Variants in EPB41L2 observed in about 807,000 individuals in gnomAD.
The protein encoded by EPB41L2 is erythrocyte membrane protein band 4.1 like 2.
Under a neutral mutation model 113.0 loss-of-function variants are expected in EPB41L2, and 43 were observed. That is an observed-to-expected ratio of 0.38 (90% CI 0.30 to 0.49). The LOEUF is 0.49. Ranked by LOEUF, EPB41L2 falls within the 20% of genes least tolerant of loss-of-function variation. The pLI is 0.95. For synonymous variants in EPB41L2, 442 were observed against 436.7 expected, an observed-to-expected ratio of 1.01 and a Z score of -0.15; for missense variants, 1,147 against 1,223.4, an observed-to-expected ratio of 0.94 and a Z score of 0.93.
chr6:130,987,987 A>AT (rs1206999663), intron 1 of EPB41L2, among the ~76,000 whole-genome samples: 1 of 151,596 alleles, frequency 6.6e-6, no homozygotes, highest in Non-Finnish European at 1.5e-5. Flanking sequence ...TTGGTGGTAC[A>AT]TGCCTGTGGT....
rs545805270 is a variant in EPB41L2, at chr6:130,927,586, A to G, written c.706-877T>C. On this transcript the variant is annotated intron_variant, in intron 3 of 19. Transcript: ENST00000337057. ...AAAGAAAAAGCCATCAGACTTTTCCATCCTCAAAACGAATGCCCTCTCACT... is the reference window on the plus strand; with the variant it reads ...AAAGAAAAAGCCATCAGACTTTTCCGTCCTCAAAACGAATGCCCTCTCACT... Among the ~76,000 whole-genome samples, 16 of 152,326 alleles carry G rather than the reference A, an allele frequency of 1.1e-4. No homozygotes were observed. In the East Asian group the frequency reaches 2.9e-3, roughly 28 times the overall value.
chr6:130,968,853 A>AGTGAAAT (rs1378611038), intron 1 of EPB41L2, among the ~76,000 whole-genome samples: 1 of 151,916 alleles, frequency 6.6e-6, no homozygotes, highest in Non-Finnish European at 1.5e-5. Context: ...TTTTTACTTC[A>AGTGAAAT]GTGAAATGTA....
intron 1 of EPB41L2, among the ~76,000 whole-genome samples, chr6:131,004,093 G>A (rs1784931794): frequency 6.6e-6 from 1 of 152,146 alleles, no homozygotes; most frequent in Admixed American, 6.5e-5. Context: ...TTTAATATCT[G>A]GCAGGCCTGT....
intron 10 of EPB41L2, among the ~76,000 whole-genome samples, chr6:130,891,356 T>C (rs1006255898): frequency 6.6e-6 from 1 of 152,170 alleles, no homozygotes; most frequent in African/African-American, 2.4e-5. Context: ...AGAATCCCTG[T>C]ACAACACTCA....
Position 130,956,134 on chromosome 6 carries a change from G to A in EPB41L2, c.352C>T (p.Leu118Phe), listed in dbSNP as rs138944177. Residue 118 changes from leucine to phenylalanine, a missense_variant, in exon 2 of 20, where the codon CTT becomes TTT. Transcript: ENST00000337057. ...EEQVLDKEEP[L>F]PEEQRQAKGD... is the part of the protein sequence containing the mutation. ...TTAGCCTGTCTCTGTTCTTCTGGAA[G>A]GGGTTCCTCTTTATCTAAGACCTGT... 1.9e-6 allele frequency: 3 copies of A among 1,613,984 alleles called. No homozygotes were observed. Among genetic ancestry groups the A allele is most frequent in the Non-Finnish European group, 2.5e-6 (3 of 1,180,034 alleles).
intron 4 of EPB41L2, among the ~76,000 whole-genome samples, chr6:130,911,620 A>T (rs1799427613): frequency 6.6e-6 from 1 of 152,196 alleles, no homozygotes; most frequent in Admixed American, 6.5e-5. Flanking sequence ...AAATGCTAGG[A>T]AACTGTTACA....
chr6:131,049,626 T>G (rs1017488895), intron 1 of EPB41L2, among the ~76,000 whole-genome samples: 17 of 152,208 alleles, frequency 1.1e-4, no homozygotes, highest in Non-Finnish European at 2.4e-4. Context: ...AGGCTGAATA[T>G]GAACCATTGT....
chr6:130,850,316 A>G (rs1304319088), intron 19 of EPB41L2, among the ~76,000 whole-genome samples: 2 of 152,210 alleles, frequency 1.3e-5, no homozygotes, highest in Non-Finnish European at 2.9e-5. Flanking sequence ...AGAAACAATG[A>G]GATCAACATA....
chr6:131,060,069 T>C (rs1295474440), intron 1 of EPB41L2, among the ~76,000 whole-genome samples: 3 of 152,164 alleles, frequency 2.0e-5, no homozygotes, highest in Non-Finnish European at 4.4e-5. Context: ...AGCCCACACA[T>C]AGCTTTTAAA....
intron 1 of EPB41L2, among the ~76,000 whole-genome samples, chr6:131,040,388 G>A (rs34445705): frequency 0.13 from 20,309 of 152,108 alleles, 1,440 homozygotes; most frequent in Admixed American, 0.16. Context: ...GCAGTGAGCC[G>A]GGATTGCGCC....
chr6:130,872,927 C>T (rs1786231838), intron 14 of EPB41L2, among the ~76,000 whole-genome samples: 1 of 152,168 alleles, frequency 6.6e-6, no homozygotes, highest in Non-Finnish European at 1.5e-5. Flanking sequence ...ACAGCTTGGG[C>T]AGTCCTCCCT....
chr6:130,965,175 T>TGCACCAG (rs1774739492), intron 1 of EPB41L2, among the ~76,000 whole-genome samples: 1 of 152,302 alleles, frequency 6.6e-6, no homozygotes, highest in African/African-American at 2.4e-5. Flanking sequence ...TCAAAGCATA[T>TGCACCAG]GCACCAGGCA....
chr6:130,962,045 C>G (rs1773710415), intron 1 of EPB41L2, among the ~76,000 whole-genome samples: 1 of 152,132 alleles, frequency 6.6e-6, no homozygotes, highest in Non-Finnish European at 1.5e-5. Context: ...GAGCATCCTG[C>G]TGATACCCAC....
intron 10 of EPB41L2, among the ~76,000 whole-genome samples, chr6:130,891,416 T>G (rs1473221312): frequency 3.0e-5 from 3 of 100,312 alleles, no homozygotes; most frequent in African/African-American, 1.2e-4. Context: ...GTCAGCTTTA[T>G]TTATTTATTT....
intron 4 of EPB41L2, among the ~76,000 whole-genome samples, chr6:130,922,872 G>A (rs973663366): frequency 6.6e-6 from 1 of 152,118 alleles, no homozygotes; most frequent in African/African-American, 2.4e-5. Flanking sequence ...CATGCACCCT[G>A]CACTGCTAAG....
In EPB41L2 at chr6:130,839,376, A is replaced by G. The variant is rs1321891841; in HGVS notation, c.*1228T>C. The G allele has an allele frequency of 1.3e-5, 2 of 152,236 alleles. No individual in the cohort carries two copies. Among genetic ancestry groups the G allele is most frequent in the Non-Finnish European group, 2.9e-5 (2 of 68,042 alleles). 9.4% of individuals were successfully genotyped at this position (152,236 alleles called of 1,614,324 possible). A position where few individuals can be genotyped will look rare whatever the true frequency, so the allele number is the denominator to read the frequency against. On this transcript the variant is annotated 3_prime_UTR_variant, in exon 20 of 20. Coordinates refer to ENST00000337057, the MANE Select transcript of EPB41L2 (RefSeq NM_001431.4). ...GAGAATAAACAAACTTTATTTTATA[A>G]TAGTATTACAGGAAGCAAAATATCA...
chr6:130,842,647 G>A (rs1775878837), intron 19 of EPB41L2, among the ~76,000 whole-genome samples: 2 of 151,992 alleles, frequency 1.3e-5, no homozygotes, highest in Admixed American at 1.3e-4. Flanking sequence ...TTATTGCTTT[G>A]CATCTGTTTT....
intron 19 of EPB41L2, among the ~76,000 whole-genome samples, chr6:130,841,873 T>C (rs901495399): frequency 6.6e-6 from 1 of 151,986 alleles, no homozygotes; most frequent in African/African-American, 2.4e-5. Context: ...AGCCACAGAG[T>C]CTTGCAGAAG....
intron 1 of EPB41L2, among the ~76,000 whole-genome samples, chr6:131,000,143 A>C (rs886767270): frequency 1.5e-5 from 2 of 132,900 alleles, no homozygotes; most frequent in African/African-American, 6.5e-5. Context: ...AAAGATGTGG[A>C]ATAGTGGCTT....
Sources: gnomAD v4.1 joint callset for allele counts (sites outside exome capture counted in the v4.1 genomes callset) on GRCh38, gnomAD v4.1.1 for gene constraint, MANE v1.5 for transcripts, NCBI Gene and HGNC (gene_info 2026-07-23, HGNC 2026-07-21) for gene names.